MAGI2: variants seen among roughly 807,000 people sequenced by gnomAD.
MAGI2 encodes the protein membrane-associated guanylate kinase, WW and PDZ domain-containing protein 2.
Under a neutral mutation model 133.3 loss-of-function variants are expected in MAGI2, and 35 were observed. The observed-to-expected ratio is 0.26, with a 90% CI of 0.20 to 0.35. The LOEUF (loss-of-function observed/expected upper bound fraction) is 0.35, where lower values mean the gene tolerates loss of function less well. MAGI2 is among the 10% of genes least tolerant of loss of function. The pLI is 1.00. For synonymous variants in MAGI2, 729 were observed against 710.6 expected (o/e 1.03, Z -0.41); for missense variants, 1,636 against 1,863.4 (o/e 0.88, Z 2.25).
At chr7:78,303,090 C>T (rs1797970128) in intron 9 of MAGI2, among the ~76,000 whole-genome samples, 2 of 152,016 alleles carry the variant, frequency 1.3e-5, no homozygotes, top group Non-Finnish European at 2.9e-5. Context: ...CTAAAGAGCT[C>T]CCCACGGCCA....
intron 1 of MAGI2, chr7:79,176,993 C>G (rs944025794): frequency 6.6e-6 from 1 of 151,910 alleles, no homozygotes; most frequent in Non-Finnish European, 1.5e-5. Context: ...TCAAATGATG[C>G]GGAATCAGAA....
chr7:78,527,006 CAAAAAAAAAAAAAAAAAA>C (rs55707442), intron 3 of MAGI2, among the ~76,000 whole-genome samples: 2 of 45,412 alleles, frequency 4.4e-5, no homozygotes, highest in African/African-American at 6.8e-5. Flanking sequence ...GACTCCATCT[CAAAAAAAAAAAAAAAAAA>C]AAAAAAAAAA....
At chr7:78,121,180 A>T (rs181590056) in intron 20 of MAGI2, among the ~76,000 whole-genome samples, 10 of 151,434 alleles carry the variant, frequency 6.6e-5, no homozygotes, top group Non-Finnish European at 1.3e-4. Context: ...GACGTTTAAG[A>T]CCATGTCTTG....
intron 2 of MAGI2, among the ~76,000 whole-genome samples, chr7:78,629,943 C>G (rs1055182775): frequency 6.6e-6 from 1 of 151,630 alleles, no homozygotes; most frequent in Non-Finnish European, 1.5e-5. Flanking sequence ...TTTTCCTTTG[C>G]TTTTAGAATT....
chr7:78,047,926 T>G (rs1426383966), intron 21 of MAGI2, among the ~76,000 whole-genome samples: 2 of 152,240 alleles, frequency 1.3e-5, no homozygotes, highest in Non-Finnish European at 2.9e-5. Flanking sequence ...TGCCGCCATA[T>G]TCTTGCAGTC....
intron 1 of MAGI2, among the ~76,000 whole-genome samples, chr7:79,019,093 T>C (rs1358449577): frequency 6.6e-6 from 1 of 152,178 alleles, no homozygotes; most frequent in Non-Finnish European, 1.5e-5. Flanking sequence ...ATGTACATAC[T>C]TCTCATTTGC....
At chr7:78,934,500 C>T (rs1554611215) in intron 2 of MAGI2, among the ~76,000 whole-genome samples, 3 of 152,104 alleles carry the variant, frequency 2.0e-5, no homozygotes, top group Non-Finnish European at 1.5e-5. Context: ...TTATCATTGG[C>T]ATATAAATTC....
At chr7:79,325,364 GA>G (rs753354409) in intron 1 of MAGI2, among the ~76,000 whole-genome samples, 1 of 152,094 alleles carries the variant, frequency 6.6e-6, no homozygotes, top group Non-Finnish European at 1.5e-5. Flanking sequence ...AGAAAGTGTG[GA>G]GAAGCAAGTT....
At chr7:78,130,368 G>A (rs371831127) in intron 18 of MAGI2, among the ~76,000 whole-genome samples, 113 of 152,192 alleles carry the variant, frequency 7.4e-4, no homozygotes, top group African/African-American at 2.6e-3. Flanking sequence ...ATTTTATCCC[G>A]CTCTAACATG....
intron 1 of MAGI2, among the ~76,000 whole-genome samples, chr7:79,298,169 A>G (rs1837092559): frequency 6.6e-6 from 1 of 152,230 alleles, no homozygotes; most frequent in Non-Finnish European, 1.5e-5. Context: ...TTTGCCGTAT[A>G]TAATTACCTG....
At chr7:79,224,320 A>G (rs1181479186) in intron 1 of MAGI2, among the ~76,000 whole-genome samples, 1 of 152,000 alleles carries the variant, frequency 6.6e-6, no homozygotes, top group African/African-American at 2.4e-5. Flanking sequence ...TTAGCATGAA[A>G]TAAGTATTGA....
At chr7:79,356,702 G>A (rs899590180) in intron 1 of MAGI2, among the ~76,000 whole-genome samples, 8 of 152,116 alleles carry the variant, frequency 5.3e-5, no homozygotes, top group Non-Finnish European at 1.0e-4. Context: ...AAACACAGTC[G>A]AAGTAGATCT....
At chr7:79,097,794 G>A (rs1426185922) in intron 1 of MAGI2, among the ~76,000 whole-genome samples, 1 of 152,152 alleles carries the variant, frequency 6.6e-6, no homozygotes, top group African/African-American at 2.4e-5. Context: ...AAGCAGAAAT[G>A]TTACATGACC....
intron 1 of MAGI2, among the ~76,000 whole-genome samples, chr7:79,331,234 T>C (rs1011553773): frequency 2.6e-5 from 4 of 152,190 alleles, no homozygotes; most frequent in African/African-American, 9.7e-5. Flanking sequence ...GCTAAAGTTA[T>C]TTATATGCCT....
intron 3 of MAGI2, among the ~76,000 whole-genome samples, chr7:78,556,264 AG>A (rs2150721604): frequency 6.6e-6 from 1 of 152,320 alleles, no homozygotes; most frequent in African/African-American, 2.4e-5. Flanking sequence ...GGGGCAAAAC[AG>A]GGTGGGACAT....
chr7:79,409,385 G>A (rs1331527019), intron 1 of MAGI2, among the ~76,000 whole-genome samples: 1 of 151,768 alleles, frequency 6.6e-6, no homozygotes, highest in East Asian at 1.9e-4. Context: ...TCAGCCTCTC[G>A]AGTAGCTGCG....
At chr7:79,110,712 T>G (rs796559724) in intron 1 of MAGI2, among the ~76,000 whole-genome samples, 23 of 152,238 alleles carry the variant, frequency 1.5e-4, no homozygotes, top group African/African-American at 5.3e-4. Flanking sequence ...TGAGAAGGAT[T>G]TGGGATTTGG....
intron 2 of MAGI2, among the ~76,000 whole-genome samples, chr7:78,991,771 CT>C (rs1185611498): frequency 1.3e-5 from 2 of 151,910 alleles, no homozygotes; most frequent in African/African-American, 4.8e-5. Context: ...TTTTCTCAGT[CT>C]AAAAGTTTTG....
intron 1 of MAGI2, among the ~76,000 whole-genome samples, chr7:79,421,904 C>T (rs769045340): frequency 6.6e-6 from 1 of 151,884 alleles, no homozygotes; most frequent in Non-Finnish European, 1.5e-5. Flanking sequence ...TACCAGGGTC[C>T]TCATATTCTT....
Sources: allele counts gnomAD v4.1 joint callset (sites outside exome capture counted in the v4.1 genomes callset), GRCh38; gene constraint gnomAD v4.1.1; transcripts MANE v1.5; gene names NCBI Gene and HGNC (gene_info 2026-07-23, HGNC 2026-07-21).